MARK1: variants seen among roughly 807,000 people sequenced by gnomAD.
MARK1 encodes serine/threonine-protein kinase MARK1.
In MARK1, 40 loss-of-function variants were observed where a neutral mutation model predicts 96.3. The ratio of observed to expected loss-of-function variants is 0.42; its 90% confidence interval spans 0.32 to 0.54. MARK1 has a LOEUF of 0.54. Among genes scored for constraint, MARK1 ranks in the 20% least tolerant of loss-of-function variants. The probability of loss-of-function intolerance (pLI) is 0.16; values close to 1 mark genes in which losing one functional copy is unlikely to be tolerated. For synonymous variants in MARK1, 317 were observed against 341.2 expected (o/e 0.93, Z 0.78); for missense variants, 719 against 984.6 (o/e 0.73, Z 3.61).
Position 220,662,329 on chromosome 1 carries a change from T to C in MARK1, c.*163T>C. 1 of 589,418 alleles carries C rather than the reference T, an allele frequency of 1.7e-6. No individual in the cohort carries two copies. Among genetic ancestry groups the C allele is most frequent in the East Asian group, 2.8e-5 (1 of 36,228 alleles). The allele number at this position is 589,418 out of a possible 1,614,324, so 36.5% of individuals were successfully genotyped here. On this transcript the variant is annotated 3_prime_UTR_variant, in exon 18 of 18. Coordinates refer to ENST00000366917, the MANE Select transcript of MARK1 (RefSeq NM_018650.5). ...ATAGTTATGAACTGTAAAATTAAAG[T>C]CAGTATGAACTATAATAAATATCTG... is the stretch of plus-strand genomic sequence containing the variant.
chr1:220,590,089 C>T (rs1664883519), intron 3 of MARK1, among the ~76,000 whole-genome samples: 1 of 152,210 alleles, frequency 6.6e-6, no homozygotes, highest in Non-Finnish European at 1.5e-5. Flanking sequence ...TCCCTGCTTC[C>T]TTTTGCCTCA....
At chr1:220,582,673 G>T (rs920781269) in intron 3 of MARK1, among the ~76,000 whole-genome samples, 3 of 152,166 alleles carry the variant, frequency 2.0e-5, no homozygotes, top group African/African-American at 4.8e-5. Flanking sequence ...CTTTCCCAAG[G>T]TTGTATAAAC....
At chr1:220,545,439 G>GT (rs35422682) in intron 1 of MARK1, among the ~76,000 whole-genome samples, 69,826 of 87,702 alleles carry the variant, frequency 0.8, 28,990 homozygotes, top group South Asian at 0.92. Flanking sequence ...CTTTCTCATG[G>GT]TTTTTTTTTT....
rs1335494759 is a variant in MARK1, at chr1:220,615,973, A to G, written c.530A>G (p.Tyr177Cys). Residue 177 changes from tyrosine (Y) to cysteine (C), a missense_variant, in exon 7 of 18, where the codon TAC (tyrosine) becomes TGC (cysteine). By Grantham distance (194) the Tyr-to-Cys change is radical (BLOSUM62 -2). Around this residue, in one of 4 missense-constraint regions of MARK1, gnomAD observed 96 missense variants for 213.1 expected, o/e 0.45. Transcript: ENST00000366917. ...VSAVQYCHQK[Y>C]IVHRDLKAEN... The stretch of plus-strand genomic sequence containing the variant: ...GCTGTACAGTATTGTCATCAAAAGT[A>G]CATTGTTCACCGTGATCTTAAGGTA... 12 of 1,559,822 alleles carry G rather than the reference A, an allele frequency of 7.7e-6. No homozygotes were observed. Among genetic ancestry groups the G allele is most frequent in the Non-Finnish European group, 1.1e-5 (12 of 1,138,974 alleles).
At chr1:220,556,485 CAAAA>C (rs55808704) in intron 1 of MARK1, among the ~76,000 whole-genome samples, 1 of 85,822 alleles carries the variant, frequency 1.2e-5, no homozygotes, top group Non-Finnish European at 2.1e-5. Context: ...GGGACTGTCA[CAAAA>C]AAAAAAAAAA....
chr1:220,551,713 A>G (rs754017386), intron 1 of MARK1, among the ~76,000 whole-genome samples: 6 of 152,214 alleles, frequency 3.9e-5, no homozygotes, highest in Non-Finnish European at 8.8e-5. Context: ...AAAAAAAAGA[A>G]TTGGTTAATA....
intron 3 of MARK1, among the ~76,000 whole-genome samples, chr1:220,593,183 A>G (rs1008560787): frequency 6.6e-6 from 1 of 152,110 alleles, no homozygotes; most frequent in Non-Finnish European, 1.5e-5. Flanking sequence ...CAAAACCAAA[A>G]TAAGTACTGT....
At position 220,548,737 on chromosome 1, in the gene MARK1, A is replaced by G. The variant is rs1432925620; in HGVS notation, c.51+19864A>G. The stretch of plus-strand genomic sequence containing the variant: ...TGCCACTGCACTCCAGCCTGGGTGG[A>G]CAGTAAGACTCCCATCTCAGAAAAA... On this transcript the variant is annotated intron_variant, in intron 1 of 17. Transcript: ENST00000366917. Among the ~76,000 whole-genome samples, 3 of 152,084 alleles carry G rather than the reference A, an allele frequency of 2.0e-5. No homozygotes were observed. The East Asian group carries it at 5.8e-4, about 29-fold the overall frequency.
At position 220,598,666 on chromosome 1, in the gene MARK1, A is replaced by T. The variant is rs562390848; in HGVS notation, c.358+287A>T. Among the ~76,000 whole-genome samples, 9 of 151,946 alleles carry T rather than the reference A, an allele frequency of 5.9e-5. 1 individual carries two copies. The highest frequency in any genetic ancestry group is 1.3e-4 in the Non-Finnish European group (9 of 67,972). ...AGAATTAATGCATACAATTTTTTTT[A>T]ATTTCCTAATTAAATGTTTCTAAAT... On this transcript the variant is annotated intron_variant, in intron 4 of 17. Coordinates refer to ENST00000366917, the MANE Select transcript of MARK1 (RefSeq NM_018650.5).
intron 11 of MARK1, among the ~76,000 whole-genome samples, chr1:220,634,604 T>C (rs1667846324): frequency 6.6e-6 from 1 of 152,246 alleles, no homozygotes. Flanking sequence ...AGTGGATTAT[T>C]ATGTGCTCTG....
Position 220,631,050 on chromosome 1 carries a change from C to A in MARK1, c.925C>A (p.Arg309=). The change falls in exon 10 of 18, where the codon CGA becomes AGA. Residue 309 remains arginine (R), a synonymous_variant. Transcript: ENST00000366917. ...RGSLEQIMKD[R]WMNVGHEEEE... is the part of the protein sequence containing the mutation. ...TATTTCCTAGCAAATAATGAAAGAT[C>A]GATGGATGAATGTTGGTCATGAAGA... 1.1e-5 allele frequency: 18 copies of A among 1,610,150 alleles called. No individual in the cohort carries two copies. Among genetic ancestry groups the A allele is most frequent in the Non-Finnish European group, 1.5e-5 (18 of 1,177,042 alleles).
intron 6 of MARK1, among the ~76,000 whole-genome samples, chr1:220,615,111 T>C (rs1173824420): frequency 6.6e-6 from 1 of 152,192 alleles, no homozygotes; most frequent in Non-Finnish European, 1.5e-5. Context: ...TAGTTCTTAA[T>C]TGATTGCTAT....
chr1:220,567,865 C>T (rs1247455036), intron 1 of MARK1, among the ~76,000 whole-genome samples: 2 of 152,148 alleles, frequency 1.3e-5, no homozygotes, highest in African/African-American at 4.8e-5. Context: ...AGCTTTAAAG[C>T]TTATCCTCTT....
chr1:220,605,635 A>G (rs1422823512), intron 6 of MARK1, among the ~76,000 whole-genome samples: 1 of 151,970 alleles, frequency 6.6e-6, no homozygotes, highest in Non-Finnish European at 1.5e-5. Context: ...CATTTACATT[A>G]GGTATTTCTC....
At chr1:220,627,905 C>T (rs891375468) in intron 9 of MARK1, 1 of 152,238 alleles carries the variant, frequency 6.6e-6, no homozygotes, top group African/African-American at 2.4e-5. Context: ...TCCCAGTGGC[C>T]TCAGGTGAGC....
chr1:220,636,081 A>C (rs550581912), intron 13 of MARK1, 55 bp downstream of exon 13: 1 of 1,241,702 alleles, frequency 8.1e-7, no homozygotes, highest in Non-Finnish European at 1.1e-6. Context: ...TTTTAGGGTT[A>C]TGTGTAAAAT....
chr1:220,659,203 T>G (rs1015042691), intron 17 of MARK1, among the ~76,000 whole-genome samples: 2 of 152,246 alleles, frequency 1.3e-5, no homozygotes, highest in African/African-American at 4.8e-5. Flanking sequence ...GCTTTTGAAC[T>G]GACTTATTGA....
chr1:220,598,967 A>C (rs1192896174), intron 4 of MARK1, among the ~76,000 whole-genome samples: 2 of 152,230 alleles, frequency 1.3e-5, no homozygotes, highest in East Asian at 3.9e-4. Context: ...CAACAGAGTG[A>C]GACCCTGTCT....
At chr1:220,612,542 A>C (rs1042769430) in intron 6 of MARK1, among the ~76,000 whole-genome samples, 1 of 152,146 alleles carries the variant, frequency 6.6e-6, no homozygotes, top group Admixed American at 6.5e-5. Context: ...ATGTTTTCCC[A>C]AAACTAAAAA....
Sources: gnomAD v4.1 joint callset for allele counts (sites outside exome capture counted in the v4.1 genomes callset) on GRCh38, gnomAD v4.1.1 for gene constraint, gnomAD v4.1.1 regional missense constraint, MANE v1.5 for transcripts, NCBI Gene and HGNC (gene_info 2026-07-23, HGNC 2026-07-21) for gene names.